The following ATXN3 variants were observed in gnomAD, a reference collection of about 807,000 sequenced individuals.
ATXN3 encodes ataxin 3.
ATXN3 carries 28 observed loss-of-function variants against 58.2 expected under a neutral mutation model. That is an observed-to-expected ratio of 0.48 (90% CI 0.36 to 0.66). ATXN3 has a LOEUF of 0.66. Among genes scored for constraint, ATXN3 ranks in the 30% least tolerant of loss-of-function variants. The pLI, the probability that ATXN3 is intolerant of heterozygous loss-of-function variation, is 0.00. For synonymous variants in ATXN3, 113 were observed against 138.5 expected, an observed-to-expected ratio of 0.82 and a Z score of 1.29; for missense variants, 321 against 422.1, an observed-to-expected ratio of 0.76 and a Z score of 2.10.
intron 3 of ATXN3, among the ~76,000 whole-genome samples, chr14:92,095,487 C>T (rs2064996008): frequency 3.6e-4 from 1 of 2,748 alleles, no homozygotes; most frequent in Non-Finnish European, 5.9e-4. Context: ...CGTGATCCGC[C>T]CACCTCGGCC....
At chr14:92,088,225 C>A (rs766429455) in intron 6 of ATXN3, among the ~76,000 whole-genome samples, 2 of 152,088 alleles carry the variant, frequency 1.3e-5, no homozygotes, top group Non-Finnish European at 2.9e-5. Context: ...TCCGCCACCA[C>A]ACCCCGGCTA....
chr14:92,104,617 G>C (rs2067735595), intron 1 of ATXN3, among the ~76,000 whole-genome samples: 1 of 152,126 alleles, frequency 6.6e-6, no homozygotes, highest in Admixed American at 6.5e-5. Context: ...CCACACCAAA[G>C]CCTTTGAAAA....
chr14:92,098,484 C>G (rs1256463224), intron 1 of ATXN3, among the ~76,000 whole-genome samples: 1 of 151,980 alleles, frequency 6.6e-6, no homozygotes, highest in Non-Finnish European at 1.5e-5. Flanking sequence ...CTAATCAGGA[C>G]ACTGAGGCAT....
At chr14:92,051,306 T>A (rs888383845), upstream of ATXN3, among the ~76,000 whole-genome samples, 1 of 152,246 alleles carries the variant, frequency 6.6e-6, no homozygotes, top group African/African-American at 2.4e-5. Context: ...TTCCATTTTT[T>A]AAATTTGTAC....
rs536458345 is a variant in ATXN3, at chr14:92,097,469, G to A, written c.25-631C>T. Among the ~76,000 whole-genome samples, 18 of 150,838 alleles carry A rather than the reference G, an allele frequency of 1.2e-4. No individual in the cohort carries two copies. In the East Asian group the frequency reaches 1.4e-3, roughly 11 times the overall value. On this transcript the variant is annotated intron_variant, in intron 1 of 10. Coordinates refer to ENST00000644486, the MANE Select transcript of ATXN3 (RefSeq NM_004993.6). ...TCTCAAACTCCTGATCTTGTGATCCGCCTGCCTCGGCCTCCAAAAGTGCTG... is the reference window on the plus strand; with the variant it reads ...TCTCAAACTCCTGATCTTGTGATCCACCTGCCTCGGCCTCCAAAAGTGCTG...
upstream of ATXN3, among the ~76,000 whole-genome samples, chr14:92,051,577 A>T (rs2057447729): frequency 6.7e-6 from 1 of 150,228 alleles, no homozygotes; most frequent in Non-Finnish European, 1.5e-5. Flanking sequence ...TTTGTTTCAT[A>T]CATTAAGCTG....
chr14:92,050,143 CGTGTGT>C (rs35730721), upstream of ATXN3, among the ~76,000 whole-genome samples: 7 of 147,690 alleles, frequency 4.7e-5, no homozygotes, highest in South Asian at 6.5e-4. Flanking sequence ...ACTTTGCTCT[CGTGTGT>C]GTGTGTGTGT....
intron 6 of ATXN3, among the ~76,000 whole-genome samples, chr14:92,086,526 T>C (rs1421526262): frequency 2.2e-5 from 3 of 138,408 alleles, no homozygotes; most frequent in East Asian, 4.2e-4. Context: ...GATCACGCCA[T>C]TGCACTCCAG....
At chr14:92,106,420 C>G in intron 1 of ATXN3, 109 bp downstream of exon 1, 2 of 1,430,150 alleles carry the variant, frequency 1.4e-6, no homozygotes, top group Non-Finnish European at 2.0e-6. Context: ...CGGGCGAGAT[C>G]GGCATGGGGG....
chr14:92,079,185 C>CAAAAAAAAAAAAAAAAAAAAAAAAAAAAA (rs35515547), intron 9 of ATXN3, among the ~76,000 whole-genome samples: 1 of 77,058 alleles, frequency 1.3e-5, no homozygotes, highest in Admixed American at 1.6e-4. Context: ...GACTCCATCT[C>CAAAAAAAAAAAAAAAAAAAAAAAAAAAAA]AAAAAAAAAA....
chr14:92,080,242 G>A (rs2061219108), intron 9 of ATXN3, among the ~76,000 whole-genome samples: 1 of 152,116 alleles, frequency 6.6e-6, no homozygotes, highest in Non-Finnish European at 1.5e-5. Context: ...GCCTGAAGCG[G>A]CCATGAGCAG....
At chr14:92,099,850 C>T (rs1257828263) in intron 1 of ATXN3, among the ~76,000 whole-genome samples, 1 of 149,258 alleles carries the variant, frequency 6.7e-6, no homozygotes, top group Admixed American at 6.8e-5. Context: ...GCATGGGTGA[C>T]AGGGCAAGAC....
intron 3 of ATXN3, among the ~76,000 whole-genome samples, chr14:92,094,290 A>T (rs969936433): frequency 1.3e-5 from 2 of 150,744 alleles, no homozygotes; most frequent in South Asian, 2.1e-4. Context: ...CTAAATCCAT[A>T]AAAAAAAACA....
downstream of ATXN3, among the ~76,000 whole-genome samples, chr14:92,057,804 T>G (rs2057490447): frequency 6.6e-6 from 1 of 152,300 alleles, no homozygotes; most frequent in South Asian, 2.1e-4. Context: ...AAATTTGATG[T>G]GCTTTGTTTG....
intron 1 of ATXN3, among the ~76,000 whole-genome samples, chr14:92,104,858 G>A (rs1034829188): frequency 6.6e-6 from 1 of 150,978 alleles, no homozygotes; most frequent in Non-Finnish European, 1.5e-5. Context: ...GGAGGCGGAG[G>A]TTGCAGTGAG....
chr14:92,070,744 C>CTT lies in ATXN3; in HGVS notation c.991+189_991+190dup, dbSNP rs774529009. 2.6e-3 allele frequency: 2,596 copies of CTT among 1,012,402 alleles called. 21 individuals carry two copies. The highest frequency in any genetic ancestry group is 8.0e-3 in the South Asian group (391 of 49,130). The allele number at this position is 1,012,402 out of a possible 1,614,324, so 62.7% of individuals were successfully genotyped here. ...TACAGATGTGAGCCACCACATCTAG[C>CTT]TTTTTTTTTTTTTTTTCTTTTGGTA... is the stretch of plus-strand genomic sequence containing the variant. On this transcript the variant is annotated intron_variant, in intron 10 of 10. Transcript: ENST00000644486.
At chr14:92,102,496 ACAC>A (rs2141296858) in intron 1 of ATXN3, among the ~76,000 whole-genome samples, 1 of 152,232 alleles carries the variant, frequency 6.6e-6, no homozygotes, top group South Asian at 2.1e-4. Flanking sequence ...ATTACCAGAG[ACAC>A]TACTAACTAC....
chr14:92,088,913 A>G (rs2063160406), intron 5 of ATXN3, 96 bp from the exon 6 acceptor site: 2 of 697,934 alleles, frequency 2.9e-6, no homozygotes, highest in African/African-American at 1.8e-5. Context: ...AAAGCTTAGT[A>G]AGATTGTTTA....
intron 5 of ATXN3, 127 bp downstream of exon 5, chr14:92,093,125 G>A: frequency 1.9e-6 from 1 of 516,808 alleles, no homozygotes; most frequent in Non-Finnish European, 3.4e-6. Context: ...CAAACTCCTG[G>A]CTTCAAGTGA....
Sources: gnomAD v4.1 joint callset for allele counts (sites outside exome capture counted in the v4.1 genomes callset) on GRCh38, gnomAD v4.1.1 for gene constraint, MANE v1.5 for transcripts, NCBI Gene and HGNC (gene_info 2026-07-23, HGNC 2026-07-21) for gene names.